Variants in SAMD12 observed in about 807,000 individuals in gnomAD.
The protein encoded by SAMD12 is sterile alpha motif domain-containing protein 12.
SAMD12 carries 9 observed loss-of-function variants against 15.0 expected under a neutral mutation model. The ratio of observed to expected loss-of-function variants is 0.60; its 90% CI spans 0.36 to 1.05. The LOEUF (loss-of-function observed/expected upper bound fraction) is 1.05. Among genes scored for constraint, SAMD12 ranks in the 50% least tolerant of loss-of-function variants. SAMD12 has a pLI of 0.01. For synonymous variants in SAMD12, 86 were observed against 90.1 expected (o/e 0.96, Z 0.25); for missense variants, 230 against 234.2 (o/e 0.98, Z 0.12).
the SAMD12 span, among the ~76,000 whole-genome samples, chr8:118,163,918 A>AAAACAAAACAAAAC: frequency 2.9e-5 from 4 of 139,504 alleles, no homozygotes; most frequent in Admixed American, 2.2e-4. Flanking sequence ...CAAAACAAAA[A>AAAACAAAACAAAAC]AACAAACCTG....
chr8:118,276,672 TTTC>T (rs1216732173), intron 4 of SAMD12, among the ~76,000 whole-genome samples: 22 of 152,302 alleles, frequency 1.4e-4, no homozygotes, highest in African/African-American at 5.0e-4. Flanking sequence ...TTTTTCTATA[TTTC>T]TTCTTGACTT....
At chr8:118,318,355 T>TATATATAC (rs1554630371) in intron 4 of SAMD12, among the ~76,000 whole-genome samples, 7 of 110,832 alleles carry the variant, frequency 6.3e-5, no homozygotes, top group African/African-American at 1.9e-4. Flanking sequence ...TATATATATA[T>TATATATAC]ACATATATAC....
At chr8:118,140,350 C>G in the SAMD12 span, among the ~76,000 whole-genome samples, 1 of 152,082 alleles carries the variant, frequency 6.6e-6, no homozygotes, top group Non-Finnish European at 1.5e-5. Context: ...CAGCTCACTG[C>G]AGCCTCCACC....
intron 4 of SAMD12, among the ~76,000 whole-genome samples, chr8:118,354,017 A>T (rs1818099265): frequency 6.6e-6 from 1 of 151,034 alleles, no homozygotes; most frequent in African/African-American, 2.4e-5. Flanking sequence ...TCTTTAACAC[A>T]CTCCCACACT....
intron 2 of SAMD12, among the ~76,000 whole-genome samples, chr8:118,484,393 C>T (rs1461177653): frequency 6.6e-6 from 1 of 152,052 alleles, no homozygotes; most frequent in Non-Finnish European, 1.5e-5. Flanking sequence ...GCACTGTATA[C>T]TTAAAAATTT....
intron 3 of SAMD12, among the ~76,000 whole-genome samples, chr8:118,430,335 C>G (rs145281352): frequency 1.3e-5 from 2 of 149,506 alleles, no homozygotes; most frequent in African/African-American, 4.9e-5. Context: ...GTTACGTCTT[C>G]TTGGAGAATG....
At chr8:118,223,198 T>C (rs144313707) in intron 4 of SAMD12, among the ~76,000 whole-genome samples, 3 of 152,324 alleles carry the variant, frequency 2.0e-5, no homozygotes, top group African/African-American at 7.2e-5. Context: ...CTCTGGAGTC[T>C]TTCTTCTTTT....
At chr8:118,571,444 C>T (rs118110284) in intron 2 of SAMD12, among the ~76,000 whole-genome samples, 55 of 152,294 alleles carry the variant, frequency 3.6e-4, no homozygotes, top group Non-Finnish European at 7.1e-4. Flanking sequence ...GCATAACTAA[C>T]GAGGAAGGAA....
At chr8:118,529,954 A>G (rs530045595) in intron 2 of SAMD12, among the ~76,000 whole-genome samples, 15 of 152,308 alleles carry the variant, frequency 9.8e-5, no homozygotes, top group South Asian at 4.1e-4. Flanking sequence ...AAATCTCCAT[A>G]CTGTTTTCCA....
At chr8:118,299,083 C>G (rs149890893) in intron 4 of SAMD12, among the ~76,000 whole-genome samples, 2 of 152,240 alleles carry the variant, frequency 1.3e-5, no homozygotes, top group East Asian at 3.9e-4. Flanking sequence ...TTGTCCACTT[C>G]TGTGTGTGGG....
intron 4 of SAMD12, among the ~76,000 whole-genome samples, chr8:118,360,838 C>G (rs1818461676): frequency 6.6e-6 from 1 of 152,042 alleles, no homozygotes; most frequent in Non-Finnish European, 1.5e-5. Flanking sequence ...TAATATTACC[C>G]CTTTCAGTAT....
intron 4 of SAMD12, among the ~76,000 whole-genome samples, chr8:118,353,337 T>C (rs1231062081): frequency 6.6e-6 from 1 of 150,684 alleles, no homozygotes; most frequent in Non-Finnish European, 1.5e-5. Context: ...AAAAGAAAAA[T>C]TTATATGTTG....
chr8:118,422,906 G>C (rs917058223), intron 3 of SAMD12, among the ~76,000 whole-genome samples: 1 of 152,202 alleles, frequency 6.6e-6, no homozygotes, highest in African/African-American at 2.4e-5. Flanking sequence ...AGGAGCAAGG[G>C]ACGGTAGGCA....
chr8:118,344,491 G>C (rs1817531399), intron 4 of SAMD12, among the ~76,000 whole-genome samples: 1 of 152,230 alleles, frequency 6.6e-6, no homozygotes, highest in South Asian at 2.1e-4. Context: ...TGAGGAAATA[G>C]AGGCTAACAT....
chr8:118,344,569 T>C (rs1817538647), intron 4 of SAMD12, among the ~76,000 whole-genome samples: 1 of 152,186 alleles, frequency 6.6e-6, no homozygotes, highest in South Asian at 2.1e-4. Context: ...TTGTTTCCTA[T>C]TGATCATTCA....
At chr8:118,396,413 A>G (rs1227298949) in intron 3 of SAMD12, among the ~76,000 whole-genome samples, 1 of 152,310 alleles carries the variant, frequency 6.6e-6, no homozygotes, top group East Asian at 1.9e-4. Flanking sequence ...CTACTCGATT[A>G]TAATATAATC....
chr8:118,302,111 C>A lies in SAMD12; in HGVS notation c.433+77449G>T, dbSNP rs1357498246. On this transcript the variant is annotated intron_variant, in intron 4 of 4. Coordinates refer to the SAMD12 transcript ENST00000409003. ...TTTTTTTTTTTTTTTTTTGCTGGAG[C>A]AGATTAAAAGAGCAGAGGACCAAAG... 5.9e-5 allele frequency among the ~76,000 whole-genome samples: 5 copies of A among 84,206 alleles called. No homozygotes were observed. The East Asian group carries it at 1.2e-3, about 21-fold the overall frequency. The allele number at this position is 84,206 out of a possible 152,430, so 55.2% of individuals were successfully genotyped here.
At chr8:118,606,380 T>A (rs1218249367) in intron 1 of SAMD12, among the ~76,000 whole-genome samples, 1 of 152,086 alleles carries the variant, frequency 6.6e-6, no homozygotes, top group African/African-American at 2.4e-5. Flanking sequence ...AGTCTTCACA[T>A]CCTTGTTTGT....
chr8:118,190,451 G>A (rs900444659), exon 5 of SAMD12: 4 of 152,044 alleles, frequency 2.6e-5, no homozygotes, highest in Non-Finnish European at 5.9e-5. Flanking sequence ...TGAAGAAGTG[G>A]AAATAAATGG....
Sources: allele counts gnomAD v4.1 joint callset (sites outside exome capture counted in the v4.1 genomes callset), GRCh38; gene constraint gnomAD v4.1.1; transcripts MANE v1.5; gene names NCBI Gene and HGNC (gene_info 2026-07-23, HGNC 2026-07-21).